AHNAK: variants seen among roughly 807,000 people sequenced by gnomAD.
The protein encoded by AHNAK is AHNAK nucleoprotein.
AHNAK carries 23 observed loss-of-function variants against 37.8 expected under a neutral mutation model. The observed-to-expected ratio is 0.61, with a 90% CI of 0.44 to 0.86. The LOEUF (loss-of-function observed/expected upper bound fraction) is 0.86. Among genes scored for constraint, AHNAK ranks in the 40% least tolerant of loss-of-function variants. The pLI is 0.00. For missense variants in AHNAK, 7,411 were observed against 7,319.4 expected (o/e 1.01, Z -0.46); for synonymous variants, 2,481 against 2,636.3 (o/e 0.94, Z 1.80).
exon 6 of AHNAK, chr11:62,433,782 C>T: frequency 5.2e-6 from 8 of 1,529,970 alleles, no homozygotes; most frequent in Non-Finnish European, 5.4e-6. Flanking sequence ...GTGTTTGTTG[C>T]CCTTGGCACA....
Position 62,521,061 on chromosome 11 carries a change from C to T in AHNAK, c.13356G>A (p.Met4452Ile), listed in dbSNP as rs778580159. Residue 4452 changes from methionine to isoleucine, a missense_variant, in exon 5 of 5, where the codon ATG becomes ATA. Physicochemically the swap from Met to Ile is conservative, Grantham distance 10. Coordinates refer to ENST00000378024, the MANE Select transcript of AHNAK (RefSeq NM_001620.3). ...LKGPKFKMPEMNIKAPKISMP... is the reference protein window; with the variant it reads ...LKGPKFKMPEINIKAPKISMP... ...TAGAGATTTTGGGAGCTTTGATGTT[C>T]ATCTCAGGCATCTTAAATTTGGGCC... 1.2e-6 allele frequency: 2 copies of T among 1,613,914 alleles called. No individual in the cohort carries two copies. Among genetic ancestry groups the T allele is most frequent in the Non-Finnish European group, 1.7e-6 (2 of 1,179,968 alleles).
intron 5 of AHNAK, among the ~76,000 whole-genome samples, chr11:62,477,083 C>T (rs781001205): frequency 1.3e-5 from 2 of 152,150 alleles, no homozygotes. Flanking sequence ...CTTGACCTCT[C>T]GCCAACTGAC....
chr11:62,452,579 G>A (rs894022080), intron 5 of AHNAK, among the ~76,000 whole-genome samples: 5 of 152,174 alleles, frequency 3.3e-5, no homozygotes, highest in Non-Finnish European at 5.9e-5. Flanking sequence ...AAGCCTTCAT[G>A]TTCATGCCAT....
At chr11:62,437,355 CTTTGT>C (rs765760544) in intron 5 of AHNAK, among the ~76,000 whole-genome samples, 1 of 152,100 alleles carries the variant, frequency 6.6e-6, no homozygotes, top group Non-Finnish European at 1.5e-5. Flanking sequence ...AACCCCTCAG[CTTTGT>C]TTTGTTTTGT....
Position 62,529,920 on chromosome 11 carries a change from C to A in AHNAK, c.4497G>T (p.Val1499=), listed in dbSNP as rs910510952. 1.6e-5 allele frequency: 25 copies of A among 1,612,342 alleles called. No individual in the cohort carries two copies. Among genetic ancestry groups the A allele is most frequent in the Admixed American group, 3.3e-5 (2 of 59,798 alleles). Residue 1499 remains valine, a synonymous_variant, in exon 5 of 5, where the codon GTG becomes GTT. Coordinates refer to ENST00000378024, the MANE Select transcript of AHNAK (RefSeq NM_001620.3). The part of the protein sequence containing the change: ...GPKVDINAPD[V]EVHGPDWHLK... ...GGTGCCAGTCTGGGCCATGAACCTCCACATCTGGTGCATTAATATCAACTT... is the reference window on the plus strand; with the variant it reads ...GGTGCCAGTCTGGGCCATGAACCTCAACATCTGGTGCATTAATATCAACTT...
At chr11:62,492,877 C>CAAAAAAAAAAAAAAAAAA (rs367568428) in intron 4 of AHNAK, among the ~76,000 whole-genome samples, 1 of 116,442 alleles carries the variant, frequency 8.6e-6, no homozygotes, top group African/African-American at 6.4e-5. Flanking sequence ...GACCCTGTCT[C>CAAAAAAAAAAAAAAAAAA]AAAAAAAAAG....
rs1186358721 is a variant in AHNAK at position 62,533,747 on chromosome 11, T to C, written c.670A>G (p.Ile224Val). Residue 224 changes from isoleucine to valine, a missense_variant, in exon 5 of 5, where the codon ATC becomes GTC. By Grantham distance (29) the Ile-to-Val change is conservative. Coordinates refer to ENST00000378024, the MANE Select transcript of AHNAK (RefSeq NM_001620.3). Reference sequence around the variant, plus strand: ...GAAGCAGAAATGGCCCCTGCTCGGATATCCACAGCAGAGCCTGTCGGAGAG... The same window carrying C: ...GAAGCAGAAATGGCCCCTGCTCGGACATCCACAGCAGAGCCTGTCGGAGAG... Reference protein sequence around the residue: ...AASPTGSAVDIRAGAISASGP... With the variant: ...AASPTGSAVDVRAGAISASGP... The C allele has an allele frequency of 6.2e-7, 1 of 1,614,152 alleles. No homozygotes were observed.
chr11:62,484,974 A>G (rs1939360673), intron 5 of AHNAK, among the ~76,000 whole-genome samples: 1 of 152,126 alleles, frequency 6.6e-6, no homozygotes, highest in Admixed American at 6.6e-5. Context: ...TTTTTAGTAG[A>G]GACGGGGTTT....
At chr11:62,496,420 A>G (rs1370029739) in intron 4 of AHNAK, among the ~76,000 whole-genome samples, 1 of 152,174 alleles carries the variant, frequency 6.6e-6, no homozygotes, top group African/African-American at 2.4e-5. Flanking sequence ...GAGAAGGAAA[A>G]TCTTGTTAGT....
At chr11:62,439,642 G>C (rs945122229) in intron 5 of AHNAK, among the ~76,000 whole-genome samples, 1 of 146,284 alleles carries the variant, frequency 6.8e-6, no homozygotes, top group East Asian at 2.0e-4. Context: ...CTTTCTTTTT[G>C]GTTTGTTTTG....
At chr11:62,452,603 C>A (rs1490963591) in intron 5 of AHNAK, among the ~76,000 whole-genome samples, 1 of 152,154 alleles carries the variant, frequency 6.6e-6, no homozygotes, top group African/African-American at 2.4e-5. Flanking sequence ...TTTATCTTGG[C>A]CTTTATCTAA....
chr11:62,458,298 A>G (rs1565200815), intron 5 of AHNAK, among the ~76,000 whole-genome samples: 1 of 152,110 alleles, frequency 6.6e-6, no homozygotes, highest in Non-Finnish European at 1.5e-5. Flanking sequence ...GTCCACCAAG[A>G]ATAAGAACAG....
intron 5 of AHNAK, among the ~76,000 whole-genome samples, chr11:62,437,678 C>G (rs1312588064): frequency 1.3e-5 from 2 of 152,138 alleles, no homozygotes; most frequent in South Asian, 4.1e-4. Context: ...TACCCAAATA[C>G]TTAGGAGTAG....
chr11:62,539,408 T>C (rs1941054080), intron 1 of AHNAK, among the ~76,000 whole-genome samples: 1 of 152,224 alleles, frequency 6.6e-6, no homozygotes, highest in African/African-American at 2.4e-5. Flanking sequence ...AAGAGCTAGC[T>C]GGGCCAGCTC....
chr11:62,485,701 C>CAAAAAAAA (rs1286819688), intron 5 of AHNAK, among the ~76,000 whole-genome samples: 12 of 51,902 alleles, frequency 2.3e-4, no homozygotes, highest in South Asian at 6.9e-4. Flanking sequence ...GACTCCATCT[C>CAAAAAAAA]AAAAAAAAAA....
rs755906870 is a variant in AHNAK at position 62,525,312 on chromosome 11, G to C, written c.9105C>G (p.Phe3035Leu). ...VKMPKFSMPG[F>L]KGEGPDVDVN... ...CATCCACATCTGGGCCCTCTCCTTTGAAGCCAGGCATGCTGAATTTGGGCA... is the reference window on the plus strand; with the variant it reads ...CATCCACATCTGGGCCCTCTCCTTTCAAGCCAGGCATGCTGAATTTGGGCA... The change falls in exon 5 of 5, where the codon TTC becomes TTG. Residue 3035 changes from phenylalanine to leucine, a missense_variant. By Grantham distance (22) the Phe-to-Leu change is conservative (BLOSUM62 0). Coordinates refer to ENST00000378024, the MANE Select transcript of AHNAK (RefSeq NM_001620.3). 1 of 1,613,142 alleles carries C rather than the reference G, an allele frequency of 6.2e-7. No individual in the cohort carries two copies. Among genetic ancestry groups the C allele is most frequent in the South Asian group, 1.1e-5 (1 of 91,042 alleles).
chr11:62,460,987 A>ATTTTTTTTTTTTTTTTTTT (rs58443970), intron 5 of AHNAK, among the ~76,000 whole-genome samples: 1 of 103,636 alleles, frequency 9.6e-6, no homozygotes, highest in African/African-American at 3.8e-5. Context: ...GGCCTGGCTA[A>ATTTTTTTTTTTTTTTTTTT]TTTTTTTTTT....
In AHNAK at chr11:62,524,138, G is replaced by T. The variant is rs1338945121; in HGVS notation, c.10279C>A (p.Pro3427Thr). 1.9e-6 allele frequency: 3 copies of T among 1,614,114 alleles called. No individual in the cohort carries two copies. ...ATATCTAAGTCTCCTTTGACTTTGGGACTTTTCAAATTTAGCTCCACGTCA... is the reference window on the plus strand; with the variant it reads ...ATATCTAAGTCTCCTTTGACTTTGGTACTTTTCAAATTTAGCTCCACGTCA... ...MPDVELNLKS[P>T]KVKGDLDIAG... The change falls in exon 5 of 5, where the codon CCC (proline) becomes ACC (threonine). Residue 3427 changes from proline to threonine, a missense_variant. By Grantham distance (38) the Pro-to-Thr change is conservative. Transcript: ENST00000378024.
In AHNAK at chr11:62,524,889, C is replaced by T. The variant is rs747393378; in HGVS notation, c.9528G>A (p.Lys3176=). Residue 3176 remains lysine (K), a synonymous_variant, in exon 5 of 5, where the codon AAG becomes AAA. Coordinates refer to ENST00000378024, the MANE Select transcript of AHNAK (RefSeq NM_001620.3). Reference sequence around the variant, plus strand: ...TGGGTCCTGAGACGTCAAGGTCAGCCTTGGGCAGGTTCACGTCCACTTCTG... The same window carrying T: ...TGGGTCCTGAGACGTCAAGGTCAGCTTTGGGCAGGTTCACGTCCACTTCTG... ...EGPEVDVNLP[K]ADLDVSGPKV... 2 of 1,613,980 alleles carry T rather than the reference C, an allele frequency of 1.2e-6. No individual in the cohort carries two copies. The highest frequency in any genetic ancestry group is 8.5e-7 in the Non-Finnish European group (1 of 1,179,988).
Sources: gnomAD v4.1 joint callset for allele counts (sites outside exome capture counted in the v4.1 genomes callset) on GRCh38, gnomAD v4.1.1 for gene constraint, MANE v1.5 for transcripts, NCBI Gene and HGNC (gene_info 2026-07-23, HGNC 2026-07-21) for gene names.